SETD7: variants seen among roughly 807,000 people sequenced by gnomAD.
SETD7 encodes SET domain containing 7, histone lysine methyltransferase, also known as histone-lysine N-methyltransferase SETD7.
In SETD7, 16 loss-of-function variants were observed where a neutral mutation model predicts 41.8. The ratio of observed to expected loss-of-function variants is 0.38; its 90% CI spans 0.26 to 0.58. The LOEUF (loss-of-function observed/expected upper bound fraction) is 0.58, where lower values mean the gene tolerates loss of function less well. Among genes scored for constraint, SETD7 ranks in the 20% least tolerant of loss-of-function variants. The probability of loss-of-function intolerance (pLI) is 0.64; values close to 1 mark genes in which losing one functional copy is unlikely to be tolerated. For synonymous variants in SETD7, 163 were observed against 169.7 expected, an observed-to-expected ratio of 0.96 and a Z score of 0.31; for missense variants, 346 against 459.7, an observed-to-expected ratio of 0.75 and a Z score of 2.26.
chr4:139,497,512 T>C (rs1226217935), intron 7 of SETD7, among the ~76,000 whole-genome samples: 1 of 151,882 alleles, frequency 6.6e-6, no homozygotes, highest in African/African-American at 2.4e-5. Flanking sequence ...AAGTGGTGTC[T>C]TAATTTAGCT....
chr4:139,552,047 G>T (rs1728124268), intron 1 of SETD7, among the ~76,000 whole-genome samples: 1 of 151,794 alleles, frequency 6.6e-6, no homozygotes, highest in African/African-American at 2.4e-5. Context: ...TTAGATCCGG[G>T]GGTACATATG....
At chr4:139,551,858 A>C (rs1728118674) in intron 1 of SETD7, among the ~76,000 whole-genome samples, 1 of 152,210 alleles carries the variant, frequency 6.6e-6, no homozygotes, top group African/African-American at 2.4e-5. Context: ...AAATAAATAA[A>C]TAAATTGAAA....
chr4:139,508,273 A>G lies in SETD7; in HGVS notation c.*3390T>C, dbSNP rs1441582416. On this transcript the variant is annotated 3_prime_UTR_variant, in exon 8 of 8. Transcript: ENST00000274031. ...CAAATAGGTTTAACTACAGTCCTAG[A>G]CAGGTTCAAAGAGCTCTTGGAAAAC... 3.3e-5 allele frequency: 5 copies of G among 152,218 alleles called. No individual in the cohort carries two copies. Among genetic ancestry groups the G allele is most frequent in the African/African-American group, 1.2e-4 (5 of 41,456 alleles). 9.4% of individuals were successfully genotyped at this position (152,218 alleles called of 1,614,324 possible). A position where few individuals can be genotyped will look rare whatever the true frequency, so the allele number is the denominator to read the frequency against.
chr4:139,505,409 T>G (rs1465499001), downstream of SETD7, among the ~76,000 whole-genome samples: 1 of 152,008 alleles, frequency 6.6e-6, no homozygotes, highest in Non-Finnish European at 1.5e-5. Context: ...GCCAACATGG[T>G]GAAACCCCGT....
intron 2 of SETD7, among the ~76,000 whole-genome samples, chr4:139,535,562 A>C (rs1478270745): frequency 6.6e-6 from 1 of 152,222 alleles, no homozygotes; most frequent in Non-Finnish European, 1.5e-5. Flanking sequence ...GACAAAAAAT[A>C]ATATGGACTT....
intron 3 of SETD7, 21 bp downstream of exon 3, chr4:139,533,144 G>A: frequency 6.3e-7 from 1 of 1,591,612 alleles, no homozygotes; most frequent in Non-Finnish European, 8.6e-7. Flanking sequence ...TTCCAGCAGA[G>A]TGAACAGTCA....
intron 7 of SETD7, among the ~76,000 whole-genome samples, chr4:139,497,834 C>G (rs1229907708): frequency 6.6e-6 from 1 of 152,090 alleles, no homozygotes; most frequent in Non-Finnish European, 1.5e-5. Context: ...CTCAGGTGAT[C>G]CACCCGCCTC....
intron 7 of SETD7, among the ~76,000 whole-genome samples, chr4:139,499,221 T>C (rs1726522463): frequency 6.6e-6 from 1 of 152,240 alleles, no homozygotes; most frequent in African/African-American, 2.4e-5. Context: ...TCCTCATTCT[T>C]GTGTGGAGGC....
intron 5 of SETD7, among the ~76,000 whole-genome samples, chr4:139,521,202 G>A (rs1727173062): frequency 6.6e-6 from 1 of 152,124 alleles, no homozygotes; most frequent in African/African-American, 2.4e-5. Flanking sequence ...GAGGCGGGTG[G>A]ATTACCTGAG....
intron 3 of SETD7, 114 bp downstream of exon 3, chr4:139,533,050 TG>T: frequency 1.2e-6 from 1 of 852,326 alleles, no homozygotes; most frequent in Non-Finnish European, 2.0e-6. Context: ...GTGTCAGCTG[TG>T]GTGACTCTCA....
In SETD7 at chr4:139,530,145, GTTTC is replaced by G. The variant is rs199851029; in HGVS notation, c.373-929_373-926del. ...TAATTTAAGCTAGGGTGCCAGAGAT[GTTTC>G]TTTCTTTCTTTCTTTTTTTTTTCCA... is the stretch of plus-strand genomic sequence containing the variant. On this transcript the variant is annotated intron_variant, in intron 3 of 7. Transcript: ENST00000274031. Among the ~76,000 whole-genome samples the G allele has an allele frequency of 2.5e-3, 381 of 152,090 alleles. 2 individuals are homozygous for G. The highest frequency in any genetic ancestry group is 0.02 in the Middle Eastern group (6 of 294).
downstream of SETD7, among the ~76,000 whole-genome samples, chr4:139,494,221 C>T (rs1379128676): frequency 6.6e-6 from 1 of 152,122 alleles, no homozygotes; most frequent in Non-Finnish European, 1.5e-5. Context: ...TTAAAGAGCA[C>T]AAAGATCATA....
chr4:139,518,537 C>T (rs1488746923), intron 6 of SETD7, among the ~76,000 whole-genome samples: 3 of 151,848 alleles, frequency 2.0e-5, no homozygotes, highest in Non-Finnish European at 2.9e-5. Flanking sequence ...CCAGGCAGCT[C>T]GACTTAACTA....
chr4:139,524,128 C>T (rs1727256112), intron 4 of SETD7, among the ~76,000 whole-genome samples: 1 of 152,156 alleles, frequency 6.6e-6, no homozygotes, highest in Non-Finnish European at 1.5e-5. Flanking sequence ...CTTACTCCTG[C>T]AAAACAAATG....
At chr4:139,552,192 C>T (rs1279092169) in intron 1 of SETD7, among the ~76,000 whole-genome samples, 1 of 152,070 alleles carries the variant, frequency 6.6e-6, no homozygotes, top group Non-Finnish European at 1.5e-5. Flanking sequence ...TGCATTTTCC[C>T]TAGATACAGG....
intron 2 of SETD7, among the ~76,000 whole-genome samples, chr4:139,543,550 C>T (rs946900485): frequency 2.6e-5 from 4 of 152,232 alleles, no homozygotes; most frequent in South Asian, 2.1e-4. Context: ...TATTAACTCC[C>T]GTCTATCTGA....
intron 4 of SETD7, among the ~76,000 whole-genome samples, chr4:139,528,174 T>C (rs1164661947): frequency 1.3e-5 from 2 of 152,258 alleles, no homozygotes; most frequent in Admixed American, 6.5e-5. Flanking sequence ...CCAGATTTTC[T>C]ACACTTAGTA....
rs184522539 is a variant in SETD7 at position 139,543,520 on chromosome 4, C to T, written c.170+3400G>A. On this transcript the variant is annotated intron_variant, in intron 2 of 7. Coordinates refer to ENST00000274031, the MANE Select transcript of SETD7 (RefSeq NM_030648.4). ...ATCATGTGTAATAAAACCAATGATA[C>T]TGACATTTTCCCCTTAAGATATTAA... Among the ~76,000 whole-genome samples, 5 of 152,314 alleles carry T rather than the reference C, an allele frequency of 3.3e-5. No homozygotes were observed. The East Asian group carries it at 9.6e-4, about 29-fold the overall frequency.
At chr4:139,494,631 CTG>C, downstream of SETD7, among the ~76,000 whole-genome samples, 1 of 152,294 alleles carries the variant, frequency 6.6e-6, no homozygotes, top group South Asian at 2.1e-4. Context: ...TATTAGAATT[CTG>C]TGTTTGTAAG....
Sources: gnomAD v4.1 joint callset for allele counts (sites outside exome capture counted in the v4.1 genomes callset) on GRCh38, gnomAD v4.1.1 for gene constraint, MANE v1.5 for transcripts, NCBI Gene and HGNC (gene_info 2026-07-23, HGNC 2026-07-21) for gene names.